Variants in SLC7A11 observed in about 807,000 individuals in gnomAD.
SLC7A11 encodes the protein cystine/glutamate transporter.
A neutral mutation model predicts 54.5 loss-of-function variants in SLC7A11; 35 were observed. The ratio of observed to expected loss-of-function variants is 0.64; its 90% confidence interval spans 0.49 to 0.85. The LOEUF is 0.85. Ranked by LOEUF, SLC7A11 falls within the 40% of genes least tolerant of loss-of-function variation. The pLI, the probability that SLC7A11 is intolerant of heterozygous loss-of-function variation, is 0.00. For missense variants in SLC7A11, 583 were observed against 618.1 expected, an observed-to-expected ratio of 0.94 and a Z score of 0.60; for synonymous variants, 230 against 225.2, an observed-to-expected ratio of 1.02 and a Z score of -0.19.
intron 6 of SLC7A11, among the ~76,000 whole-genome samples, chr4:138,185,554 C>CTTGTTAAA (rs1736856290): frequency 1.3e-5 from 2 of 152,258 alleles, no homozygotes; most frequent in Middle Eastern, 6.8e-3. Flanking sequence ...GCATCAGAAT[C>CTTGTTAAA]ACCTGCAGGG....
chr4:138,211,605 T>A (rs1323481782), intron 6 of SLC7A11, among the ~76,000 whole-genome samples: 1 of 151,886 alleles, frequency 6.6e-6, no homozygotes, highest in African/African-American at 2.4e-5. Context: ...GCAGCACTAT[T>A]CAAAATAGCC....
chr4:138,206,776 CAT>C (rs1429479346), intron 6 of SLC7A11, among the ~76,000 whole-genome samples: 5 of 151,902 alleles, frequency 3.3e-5, no homozygotes, highest in African/African-American at 1.2e-4. Context: ...ACATCAACCA[CAT>C]GTTCTATTAG....
chr4:138,186,507 T>C (rs1736884437), intron 6 of SLC7A11, among the ~76,000 whole-genome samples: 1 of 152,092 alleles, frequency 6.6e-6, no homozygotes, highest in African/African-American at 2.4e-5. Flanking sequence ...AGCCTGACAC[T>C]TCCCCGGATT....
chr4:138,215,003 C>T (rs926824759), intron 5 of SLC7A11, among the ~76,000 whole-genome samples: 2 of 152,078 alleles, frequency 1.3e-5, no homozygotes, highest in Admixed American at 1.3e-4. Flanking sequence ...AGGCATCACC[C>T]AACTTGAACC....
intron 10 of SLC7A11, 34 bp from the exon 11 acceptor site, chr4:138,179,428 C>A: frequency 6.3e-7 from 1 of 1,585,486 alleles, no homozygotes; most frequent in African/African-American, 1.3e-5. Context: ...TCACTTCAAA[C>A]ATGTTCAAGC....
chr4:138,223,246 G>C lies in SLC7A11; in HGVS notation c.599C>G (p.Thr200Arg). The C allele has an allele frequency of 1.2e-6, 2 of 1,613,590 alleles. No individual in the cohort carries two copies. Among genetic ancestry groups the C allele is most frequent in the Non-Finnish European group, 1.7e-6 (2 of 1,179,524 alleles). The stretch of plus-strand genomic sequence containing the variant: ...AGGGACTATAATTATCAGAATTGCT[G>C]TGAGCTTGCAAAAGGTTAAGAAAAT... ...IQIFLTFCKL[T>R]AILIIIVPGV... is the part of the protein sequence containing the mutation. The change falls in exon 4 of 12, where the codon ACA becomes AGA. Residue 200 changes from threonine to arginine, a missense_variant. Physicochemically the swap from Thr to Arg is moderately conservative, Grantham distance 71. Transcript: ENST00000280612.
At chr4:138,202,894 G>T (rs1737321744) in intron 6 of SLC7A11, among the ~76,000 whole-genome samples, 1 of 152,068 alleles carries the variant, frequency 6.6e-6, no homozygotes, top group South Asian at 2.1e-4. Context: ...GTTGTCCCCA[G>T]GCTGACTCAT....
rs1463729301 is a variant in SLC7A11, at chr4:138,164,691, C to G, written c.*7265G>C. 4 of 152,116 alleles carry G rather than the reference C, an allele frequency of 2.6e-5. No homozygotes were observed. The highest frequency in any genetic ancestry group is 4.1e-4 in the South Asian group (2 of 4,824). The allele number at this position is 152,116 out of a possible 1,614,324, so 9.4% of individuals were successfully genotyped here. On this transcript the variant is annotated 3_prime_UTR_variant, in exon 12 of 12. Coordinates refer to ENST00000280612, the MANE Select transcript of SLC7A11 (RefSeq NM_014331.4). ...ACACACAATCCCCTCTACTAAGTTT[C>G]ATGATCACAGTGCCAGAGTGAAGAA...
intron 3 of SLC7A11, among the ~76,000 whole-genome samples, chr4:138,228,194 T>C (rs1035696346): frequency 3.3e-5 from 5 of 152,140 alleles, no homozygotes; most frequent in African/African-American, 1.2e-4. Context: ...AGGATGGGGT[T>C]CTTAACTCAT....
intron 6 of SLC7A11, among the ~76,000 whole-genome samples, chr4:138,194,137 G>A (rs984601510): frequency 1.3e-5 from 2 of 152,064 alleles, no homozygotes; most frequent in African/African-American, 2.4e-5. Flanking sequence ...GAGTTGATGG[G>A]CTAAGCACCC....
chr4:138,236,592 A>G, intron 1 of SLC7A11, 141 bp from the exon 2 acceptor site: 1 of 735,752 alleles, frequency 1.4e-6, no homozygotes, highest in Non-Finnish European at 2.2e-6. Context: ...ACTCAAGACA[A>G]ATAACCATCA....
intron 11 of SLC7A11, among the ~76,000 whole-genome samples, chr4:138,173,220 T>A (rs1309628130): frequency 6.6e-6 from 1 of 152,212 alleles, no homozygotes; most frequent in African/African-American, 2.4e-5. Context: ...GTTTACAGCC[T>A]GACCTCTTGA....
chr4:138,182,107 C>CA (rs970424783), intron 9 of SLC7A11, among the ~76,000 whole-genome samples, 190 bp downstream of exon 9: 54 of 151,054 alleles, frequency 3.6e-4, no homozygotes, highest in African/African-American at 8.3e-4. Context: ...CCCAAAGCAT[C>CA]AAAAAAAATA....
intron 2 of SLC7A11, among the ~76,000 whole-genome samples, chr4:138,233,883 C>T (rs1045099990): frequency 2.6e-5 from 4 of 152,202 alleles, no homozygotes; most frequent in African/African-American, 9.6e-5. Context: ...TGAATCTTCT[C>T]TGCCTGCAGC....
chr4:138,213,331 C>T (rs891837394), intron 6 of SLC7A11, among the ~76,000 whole-genome samples: 8 of 152,002 alleles, frequency 5.3e-5, no homozygotes, highest in Admixed American at 2.0e-4. Flanking sequence ...TTCTAAACTC[C>T]GACATTCCTG....
intron 6 of SLC7A11, among the ~76,000 whole-genome samples, chr4:138,198,474 A>G (rs1400257747): frequency 6.6e-6 from 1 of 152,220 alleles, no homozygotes; most frequent in Non-Finnish European, 1.5e-5. Flanking sequence ...CTCACTGGTG[A>G]TCAAATGAAT....
intron 3 of SLC7A11, among the ~76,000 whole-genome samples, chr4:138,223,525 T>C (rs1175511906): frequency 6.6e-6 from 1 of 152,196 alleles, no homozygotes; most frequent in Non-Finnish European, 1.5e-5. Flanking sequence ...AGCTGGTTTT[T>C]ATGCACATTG....
intron 6 of SLC7A11, among the ~76,000 whole-genome samples, chr4:138,199,118 C>T (rs191834134): frequency 2.6e-5 from 4 of 152,014 alleles, no homozygotes; most frequent in African/African-American, 9.6e-5. Flanking sequence ...TTATATAACA[C>T]CAAAGTTAGG....
chr4:138,224,821 A>G (rs1578666246), intron 3 of SLC7A11, among the ~76,000 whole-genome samples: 1 of 129,276 alleles, frequency 7.7e-6, no homozygotes, highest in African/African-American at 3.6e-5. Context: ...GATGAAAGGA[A>G]GGAAGGAAGG....
Sources: allele counts gnomAD v4.1 joint callset (sites outside exome capture counted in the v4.1 genomes callset), GRCh38; gene constraint gnomAD v4.1.1; transcripts MANE v1.5; gene names NCBI Gene and HGNC (gene_info 2026-07-23, HGNC 2026-07-21).